Variants in DHX57 observed in about 807,000 individuals in gnomAD.
The protein encoded by DHX57 is DExH-box helicase 57.
A neutral mutation model predicts 156.2 loss-of-function variants in DHX57; 105 were observed. The ratio of observed to expected loss-of-function variants is 0.67; its 90% CI spans 0.57 to 0.79. DHX57 has a LOEUF of 0.79. DHX57 is among the 30% of genes least tolerant of loss of function. The pLI is 0.00. For synonymous variants in DHX57, 704 were observed against 595.6 expected, an observed-to-expected ratio of 1.18 and a Z score of -2.65; for missense variants, 1,847 against 1,661.9, an observed-to-expected ratio of 1.11 and a Z score of -1.94.
intron 20 of DHX57, among the ~76,000 whole-genome samples, chr2:38,814,847 C>T (rs1370382402): frequency 2.6e-5 from 4 of 151,858 alleles, no homozygotes; most frequent in South Asian, 2.1e-4. Flanking sequence ...CTCAGCCTCC[C>T]GAGTAGCTGG....
intron 2 of DHX57, 51 bp from the exon 3 acceptor site, chr2:38,863,570 T>C (rs753477130): frequency 1.0e-5 from 16 of 1,571,594 alleles, no homozygotes; most frequent in Non-Finnish European, 1.4e-5. Flanking sequence ...ATCAGAACTT[T>C]TACACTCTCC....
chr2:38,838,323 A>G (rs1671795666), intron 12 of DHX57, among the ~76,000 whole-genome samples: 1 of 151,950 alleles, frequency 6.6e-6, no homozygotes, highest in Non-Finnish European at 1.5e-5. Flanking sequence ...CTGGTCTCGA[A>G]CTCCCAGGCT....
chr2:38,807,749 G>A (rs1239666613), intron 21 of DHX57, among the ~76,000 whole-genome samples: 1 of 151,888 alleles, frequency 6.6e-6, no homozygotes, highest in Non-Finnish European at 1.5e-5. Context: ...CTGGGTTCAA[G>A]TGATTCTCCT....
Position 38,861,890 on chromosome 2 carries a change from A to G in DHX57, c.573-53T>C, listed in dbSNP as rs1188400038. The G allele has an allele frequency of 4.0e-6, 6 of 1,494,826 alleles. No individual in the cohort carries two copies. In the East Asian group the frequency reaches 6.8e-5, roughly 17 times the overall value. The allele number at this position is 1,494,826 out of a possible 1,614,324, so 92.6% of individuals were successfully genotyped here. ...GACACATAAAAAGCAGTATCACACC[A>G]TTACAGTAAAATTCATTTAAATATG... On this transcript the variant is annotated intron_variant, in intron 4 of 23. Transcript: ENST00000457308.
chr2:38,798,174 T>C lies in DHX57; in HGVS notation c.*125A>G. ...TACACTGCCTCAGCTGCCTTGGGCT[T>C]CATGCCCTGGGCTCCTCCACCAGGG... is the stretch of plus-strand genomic sequence containing the variant. On this transcript the variant is annotated 3_prime_UTR_variant, in exon 24 of 24. Coordinates refer to ENST00000457308, the MANE Select transcript of DHX57 (RefSeq NM_198963.3). The C allele has an allele frequency of 7.4e-7, 1 of 1,345,854 alleles. No homozygotes were observed. The highest frequency in any genetic ancestry group is 2.3e-5 in the East Asian group (1 of 42,686). 83.4% of individuals were successfully genotyped at this position (1,345,854 alleles called of 1,614,324 possible).
In DHX57 at chr2:38,817,285, G is replaced by C. The variant is rs59473852; in HGVS notation, c.3471+1592C>G. Among the ~76,000 whole-genome samples, 1,251 of 151,858 alleles carry C rather than the reference G, an allele frequency of 8.2e-3. 14 individuals are homozygous for C. The highest frequency in any genetic ancestry group is 0.023 in the African/African-American group (934 of 41,416). ...CAAAGATGCGTGCCATCATTATTTTGGCTTCTCATACCACTTTGGAATTTA... is the reference window on the plus strand; with the variant it reads ...CAAAGATGCGTGCCATCATTATTTTCGCTTCTCATACCACTTTGGAATTTA... On this transcript the variant is annotated intron_variant, in intron 19 of 23. Coordinates refer to ENST00000457308, the MANE Select transcript of DHX57 (RefSeq NM_198963.3).
intron 13 of DHX57, among the ~76,000 whole-genome samples, chr2:38,834,547 G>C (rs550239863): frequency 1.3e-5 from 2 of 152,212 alleles, no homozygotes; most frequent in East Asian, 3.9e-4. Context: ...TCAGAATATT[G>C]TATATTATAG....
chr2:38,828,470 G>A (rs1239350412), intron 13 of DHX57, 34 bp from the exon 14 acceptor site: 2 of 1,474,470 alleles, frequency 1.4e-6, no homozygotes, highest in Admixed American at 2.2e-5. Flanking sequence ...ATGTGGGTAA[G>A]CATAGGCACA....
At chr2:38,824,413 T>G (rs759168218) in intron 16 of DHX57, among the ~76,000 whole-genome samples, 2 of 152,098 alleles carry the variant, frequency 1.3e-5, no homozygotes, top group Non-Finnish European at 2.9e-5. Flanking sequence ...GCAAAATGAG[T>G]AAGTTCGAGA....
chr2:38,823,202 G>A lies in DHX57; in HGVS notation c.3082C>T (p.Pro1028Ser). The A allele has an allele frequency of 6.2e-7, 1 of 1,614,140 alleles. No homozygotes were observed. The highest frequency in any genetic ancestry group is 8.5e-7 in the Non-Finnish European group (1 of 1,180,028). The change falls in exon 17 of 24, where the codon CCA becomes TCA. Residue 1028 changes from proline (P) to serine (S), a missense_variant. Physicochemically the swap from Pro to Ser is moderately conservative, Grantham distance 74 (BLOSUM62 -1). Transcript: ENST00000457308. ...QSVFSRLIEP[P>S]HTDSLRASKI... ...GAGGCACGAAGAGAATCGGTGTGTG[G>A]AGGTTCAATGAGCCGAGAGAACACA...
In DHX57 at chr2:38,861,425, G is replaced by A. The variant is rs769053347; in HGVS notation, c.985C>T (p.Gln329Ter). ...CTTCTTTCTATTCTTCCAACAATTTGATTTGGGGGCACTTCATGTTTGAAT... is the reference window on the plus strand; with the variant it reads ...CTTCTTTCTATTCTTCCAACAATTTAATTTGGGGGCACTTCATGTTTGAAT... ...CRFKHEVPPN[Q>*]IVGRIERSVD... The change falls in exon 5 of 24, where the codon CAA becomes TAA. Residue 329 changes from glutamine (Q) to a stop codon, truncating the protein, a stop_gained. Coordinates refer to ENST00000457308, the MANE Select transcript of DHX57 (RefSeq NM_198963.3). LOFTEE classifies it high-confidence loss of function. The A allele has an allele frequency of 6.2e-7, 1 of 1,614,032 alleles. No homozygotes were observed. The highest frequency in any genetic ancestry group is 1.7e-5 in the Admixed American group (1 of 60,008).
intron 20 of DHX57, among the ~76,000 whole-genome samples, chr2:38,814,222 G>A (rs184350209): frequency 6.6e-6 from 1 of 152,306 alleles, no homozygotes; most frequent in East Asian, 1.9e-4. Flanking sequence ...ACAGGCGTGA[G>A]CCACTGCGTC....
At chr2:38,844,843 T>C (rs1321395917) in intron 11 of DHX57, among the ~76,000 whole-genome samples, 2 of 152,044 alleles carry the variant, frequency 1.3e-5, no homozygotes, top group African/African-American at 4.8e-5. Flanking sequence ...TGCTAAGGTT[T>C]TATAGGTAGG....
chr2:38,815,994 CTGTT>C, intron 19 of DHX57: 1 of 397,900 alleles, frequency 2.5e-6, no homozygotes, highest in East Asian at 6.7e-5. Context: ...GCAAAAAATG[CTGTT>C]TGTTTTGACT....
Position 38,798,442 on chromosome 2 carries a change from C to T in DHX57, c.4018G>A (p.Val1340Met), listed in dbSNP as rs868327057. Residue 1340 changes from valine to methionine, a missense_variant and splice_region_variant, in exon 24 of 24, where the codon GTG (valine) becomes ATG (methionine). By Grantham distance (21) the Val-to-Met change is conservative. Transcript: ENST00000457308. ...WIRFVAASHQ[V>M]AELVKELRCE... ...CGAAGCTCCTTTACCAGTTCAGCCACCTAAAATGAAAGCTACAATATAAGC... is the reference window on the plus strand; with the variant it reads ...CGAAGCTCCTTTACCAGTTCAGCCATCTAAAATGAAAGCTACAATATAAGC... 2.5e-6 allele frequency: 4 copies of T among 1,608,308 alleles called. No homozygotes were observed. The Middle Eastern group carries it at 5.0e-4, about 201-fold the overall frequency.
chr2:38,800,299 A>T (rs914539368), intron 23 of DHX57, among the ~76,000 whole-genome samples: 2 of 151,998 alleles, frequency 1.3e-5, no homozygotes, highest in Non-Finnish European at 2.9e-5. Flanking sequence ...GGTTGCAGTG[A>T]ACCGAGATTG....
At chr2:38,834,974 A>G (rs570271673) in intron 13 of DHX57, among the ~76,000 whole-genome samples, 44 of 152,348 alleles carry the variant, frequency 2.9e-4, no homozygotes, top group Admixed American at 5.2e-4. Flanking sequence ...AAGCAACTTA[A>G]AGCAAACGGA....
At position 38,813,166 on chromosome 2, in the gene DHX57, TAG is replaced by T. The variant is rs1222994609; in HGVS notation, c.3681+653_3681+654del. 5.3e-5 allele frequency among the ~76,000 whole-genome samples: 8 copies of T among 151,396 alleles called. No homozygotes were observed. The South Asian group carries it at 1.0e-3, about 20-fold the overall frequency. On this transcript the variant is annotated intron_variant, in intron 21 of 23. Transcript: ENST00000457308. ...TGGCTATTTTACTTTTTGTTCAGAGTAGAGAGTGTAAGATAAACTGTAGTTGA... is the reference window on the plus strand; with the variant it reads ...TGGCTATTTTACTTTTTGTTCAGAGTAGAGTGTAAGATAAACTGTAGTTGA...
intron 23 of DHX57, 26 bp downstream of exon 23, chr2:38,802,689 A>G (rs1029960877): frequency 2.7e-5 from 44 of 1,613,138 alleles, no homozygotes; most frequent in Non-Finnish European, 3.6e-5. Context: ...CCTGAGCCTC[A>G]TAAAACAGAC....
Sources: gnomAD v4.1 joint callset for allele counts (sites outside exome capture counted in the v4.1 genomes callset) on GRCh38, gnomAD v4.1.1 for gene constraint, MANE v1.5 for transcripts, NCBI Gene and HGNC (gene_info 2026-07-23, HGNC 2026-07-21) for gene names.